Variants in CDK19 observed in about 807,000 individuals in gnomAD.
CDK19 encodes the protein cyclin dependent kinase 19, also known as cyclin-dependent kinase 19.
A neutral mutation model predicts 68.3 loss-of-function variants in CDK19; 20 were observed. That is an observed-to-expected ratio of 0.29 (90% CI 0.21 to 0.43). The LOEUF (loss-of-function observed/expected upper bound fraction) is 0.43, where lower values mean the gene tolerates loss of function less well. Among genes scored for constraint, CDK19 ranks in the 20% least tolerant of loss-of-function variants. CDK19 has a pLI of 1.00. For missense variants in CDK19, 339 were observed against 623.5 expected, an observed-to-expected ratio of 0.54 and a Z score of 4.86; for synonymous variants, 221 against 222.8, an observed-to-expected ratio of 0.99 and a Z score of 0.07.
intron 2 of CDK19, among the ~76,000 whole-genome samples, chr6:110,703,170 G>A (rs2114648076): frequency 6.6e-6 from 1 of 152,090 alleles, no homozygotes; most frequent in South Asian, 2.1e-4. Context: ...CCCGGCAAGT[G>A]AAATAACCTG....
chr6:110,677,385 A>T (rs189929837), intron 2 of CDK19, among the ~76,000 whole-genome samples: 1 of 152,092 alleles, frequency 6.6e-6, no homozygotes, highest in Non-Finnish European at 1.5e-5. Flanking sequence ...AACATGGTGA[A>T]ACCCCGTCTC....
chr6:110,675,484 G>A lies in CDK19; in HGVS notation c.205-4943C>T, dbSNP rs576229366. On this transcript the variant is annotated intron_variant, in intron 2 of 12. Transcript: ENST00000368911. ...CTCTACGAAAAATACAAAACTAGCCGGGTGTGGTGGCGCATGCCTGTAATC... is the reference window on the plus strand; with the variant it reads ...CTCTACGAAAAATACAAAACTAGCCAGGTGTGGTGGCGCATGCCTGTAATC... 1.3e-4 allele frequency among the ~76,000 whole-genome samples: 20 copies of A among 152,134 alleles called. No individual in the cohort carries two copies. The South Asian group carries it at 3.5e-3, about 27-fold the overall frequency.
At chr6:110,644,914 G>C (rs1780452433) in intron 4 of CDK19, among the ~76,000 whole-genome samples, 1 of 152,110 alleles carries the variant, frequency 6.6e-6, no homozygotes, top group Non-Finnish European at 1.5e-5. Flanking sequence ...ATGATACAAA[G>C]TTCAATTCAC....
intron 4 of CDK19, among the ~76,000 whole-genome samples, chr6:110,661,691 G>A (rs149571323): frequency 7.9e-5 from 12 of 152,164 alleles, no homozygotes; most frequent in East Asian, 7.7e-4. Flanking sequence ...TACTTCATTC[G>A]GATAGACCTC....
rs144994741 is a variant in CDK19, at chr6:110,715,636, G to A, written c.204+30490C>T. Among the ~76,000 whole-genome samples the A allele has an allele frequency of 6.1e-3, 926 of 152,148 alleles. 3 individuals carry two copies. Among genetic ancestry groups the A allele is most frequent in the Non-Finnish European group, 9.3e-3 (635 of 68,008 alleles). On this transcript the variant is annotated intron_variant, in intron 2 of 12. Transcript: ENST00000368911. ...CCGAGTACTTGAGATACAGGCGTGC[G>A]CCACACACCTGGCTAACTTTTGTAT...
intron 1 of CDK19, among the ~76,000 whole-genome samples, chr6:110,796,606 A>T (rs1781953757): frequency 6.6e-6 from 1 of 151,358 alleles, no homozygotes; most frequent in Non-Finnish European, 1.5e-5. Flanking sequence ...CTGAGACCGT[A>T]CCACTGCACC....
chr6:110,672,405 A>G (rs991162540), intron 2 of CDK19, among the ~76,000 whole-genome samples: 4 of 152,164 alleles, frequency 2.6e-5, no homozygotes, highest in African/African-American at 9.7e-5. Context: ...CAACACTTCT[A>G]AAAAACTACA....
intron 4 of CDK19, among the ~76,000 whole-genome samples, chr6:110,651,530 TG>T (rs1469713838): frequency 6.6e-6 from 1 of 152,174 alleles, no homozygotes; most frequent in Admixed American, 6.5e-5. Context: ...CTCAGGAGTT[TG>T]AAACCAGGCT....
At chr6:110,703,692 T>A (rs1365243140) in intron 2 of CDK19, among the ~76,000 whole-genome samples, 1 of 151,958 alleles carries the variant, frequency 6.6e-6, no homozygotes, top group Non-Finnish European at 1.5e-5. Context: ...AATTTTAAAT[T>A]AGCCAGGTAT....
intron 1 of CDK19, among the ~76,000 whole-genome samples, chr6:110,757,555 G>A (rs986699414): frequency 6.6e-6 from 1 of 152,116 alleles, no homozygotes; most frequent in African/African-American, 2.4e-5. Context: ...ATTATGATAT[G>A]GTTAATTTTA....
At chr6:110,623,251 G>C in intron 9 of CDK19, 39 bp downstream of exon 9, 1 of 1,533,918 alleles carries the variant, frequency 6.5e-7, no homozygotes, top group Non-Finnish European at 9.0e-7. Flanking sequence ...CGAGATTTGT[G>C]CTGAGAATCA....
chr6:110,806,357 T>G (rs1220174121), intron 1 of CDK19, among the ~76,000 whole-genome samples: 1 of 146,138 alleles, frequency 6.8e-6, no homozygotes, highest in Non-Finnish European at 1.5e-5. Context: ...AAAAAAAAAT[T>G]ATTATTGTCT....
chr6:110,671,912 G>C (rs1313604680), intron 2 of CDK19, among the ~76,000 whole-genome samples: 1 of 152,018 alleles, frequency 6.6e-6, no homozygotes, highest in East Asian at 1.9e-4. Flanking sequence ...TGAGTAGCTG[G>C]GATTACAGGT....
chr6:110,623,253 T>G, intron 9 of CDK19, 37 bp downstream of exon 9: 12 of 1,552,340 alleles, frequency 7.7e-6, no homozygotes, highest in Non-Finnish European at 1.1e-5. Flanking sequence ...AGATTTGTGC[T>G]GAGAATCAGA....
At chr6:110,648,459 C>A (rs1341255050) in intron 4 of CDK19, among the ~76,000 whole-genome samples, 2 of 151,874 alleles carry the variant, frequency 1.3e-5, no homozygotes, top group Non-Finnish European at 2.9e-5. Context: ...GCAAGAAAAA[C>A]CATACAATGC....
intron 1 of CDK19, among the ~76,000 whole-genome samples, chr6:110,780,049 C>G (rs1780685586): frequency 6.6e-6 from 1 of 152,094 alleles, no homozygotes; most frequent in Non-Finnish European, 1.5e-5. Flanking sequence ...AAAACCCCGT[C>G]TCTACTAAAA....
chr6:110,641,892 A>AT (rs2114787979), intron 4 of CDK19, among the ~76,000 whole-genome samples: 1 of 152,356 alleles, frequency 6.6e-6, no homozygotes, highest in Admixed American at 6.5e-5. Flanking sequence ...AGGTAAGGAC[A>AT]TAAAAACACA....
intron 4 of CDK19, among the ~76,000 whole-genome samples, chr6:110,639,255 A>G (rs991834113): frequency 1.3e-5 from 2 of 152,252 alleles, no homozygotes; most frequent in African/African-American, 4.8e-5. Context: ...AGGCTAATAC[A>G]GAACTATAAA....
At chr6:110,619,637 T>C (rs1778583662) in intron 12 of CDK19, among the ~76,000 whole-genome samples, 1 of 151,916 alleles carries the variant, frequency 6.6e-6, no homozygotes, top group Non-Finnish European at 1.5e-5. Flanking sequence ...AAAAGCTTAT[T>C]ACCCAGGCCT....
Sources: allele counts gnomAD v4.1 joint callset (sites outside exome capture counted in the v4.1 genomes callset), GRCh38; gene constraint gnomAD v4.1.1; transcripts MANE v1.5; gene names NCBI Gene and HGNC (gene_info 2026-07-23, HGNC 2026-07-21).